LRP1B: variants seen among roughly 807,000 people sequenced by gnomAD.
LRP1B encodes the protein low-density lipoprotein receptor-related protein 1B.
In LRP1B, 217 loss-of-function variants were observed where a neutral mutation model predicts 556.6. That is an observed-to-expected ratio of 0.39 (90% confidence interval 0.35 to 0.44). The LOEUF (loss-of-function observed/expected upper bound fraction) is 0.44, where lower values mean the gene tolerates loss of function less well. Among genes scored for constraint, LRP1B ranks in the 20% least tolerant of loss-of-function variants. The pLI is 1.00. For missense variants in LRP1B, 5,053 were observed against 5,620.8 expected (o/e 0.90, Z 3.23); for synonymous variants, 2,047 against 1,865.8 (o/e 1.10, Z -2.50).
intron 57 of LRP1B, among the ~76,000 whole-genome samples, chr2:140,492,387 T>A (rs1688738797): frequency 6.6e-6 from 1 of 152,210 alleles, no homozygotes; most frequent in South Asian, 2.1e-4. Flanking sequence ...GGCACACTTG[T>A]TCTAGACAGT....
intron 41 of LRP1B, among the ~76,000 whole-genome samples, chr2:140,618,638 T>C (rs1041877663): frequency 1.3e-5 from 2 of 152,152 alleles, no homozygotes; most frequent in Admixed American, 1.3e-4. Context: ...AATCTGTTCA[T>C]ATTCAGGACA....
At chr2:140,994,159 A>G (rs777211617) in intron 15 of LRP1B, 24 bp from the exon 16 acceptor site, 3 of 1,604,162 alleles carry the variant, frequency 1.9e-6, no homozygotes, top group East Asian at 4.5e-5. Flanking sequence ...AACCCAAGGT[A>G]TATGAATAAT....
intron 7 of LRP1B, among the ~76,000 whole-genome samples, chr2:141,100,396 C>T (rs1257751151): frequency 1.3e-5 from 2 of 152,172 alleles, no homozygotes; most frequent in East Asian, 3.9e-4. Context: ...CTGAGGACAT[C>T]CTACAAGGAT....
intron 2 of LRP1B, among the ~76,000 whole-genome samples, chr2:141,748,590 A>G (rs1693994891): frequency 6.6e-6 from 1 of 152,210 alleles, no homozygotes; most frequent in Admixed American, 6.5e-5. Flanking sequence ...CACCCCAGGT[A>G]CTGTGCTTTT....
intron 43 of LRP1B, among the ~76,000 whole-genome samples, chr2:140,582,610 C>T (rs578250499): frequency 2.0e-5 from 3 of 152,212 alleles, no homozygotes; most frequent in Non-Finnish European, 2.9e-5. Context: ...TGCTGCCATG[C>T]GAGGAAACCA....
At chr2:140,635,579 G>A (rs1218653923) in intron 41 of LRP1B, among the ~76,000 whole-genome samples, 1 of 151,936 alleles carries the variant, frequency 6.6e-6, no homozygotes, top group Non-Finnish European at 1.5e-5. Flanking sequence ...TCATTGTAAA[G>A]ACAGTCTCAG....
Position 141,217,162 on chromosome 2 carries a change from G to A in LRP1B, c.850+12021C>T, listed in dbSNP as rs543721588. 7.2e-5 allele frequency among the ~76,000 whole-genome samples: 11 copies of A among 152,232 alleles called. No homozygotes were observed. The South Asian group carries it at 1.7e-3, about 23-fold the overall frequency. On this transcript the variant is annotated intron_variant, in intron 6 of 90. Coordinates refer to ENST00000389484, the MANE Select transcript of LRP1B (RefSeq NM_018557.3). ...TTGGAGGTGGGTCCTAGTGGGAGGC[G>A]TTTGGGTCATGGGGGTAGATCTCTC...
At chr2:141,702,950 G>A (rs1056751698) in intron 2 of LRP1B, among the ~76,000 whole-genome samples, 1 of 151,826 alleles carries the variant, frequency 6.6e-6, no homozygotes, top group Non-Finnish European at 1.5e-5. Flanking sequence ...ACATAAGTGA[G>A]CTCATTAAAA....
At chr2:141,354,935 T>A (rs1223802134) in intron 3 of LRP1B, among the ~76,000 whole-genome samples, 1 of 152,136 alleles carries the variant, frequency 6.6e-6, no homozygotes, top group African/African-American at 2.4e-5. Flanking sequence ...ATTTAGTTTA[T>A]CACTAGTAGC....
At chr2:140,810,325 T>C (rs1432102064) in intron 32 of LRP1B, among the ~76,000 whole-genome samples, 2 of 152,182 alleles carry the variant, frequency 1.3e-5, no homozygotes, top group African/African-American at 4.8e-5. Flanking sequence ...CATTTGTATA[T>C]ACTAATCACT....
intron 11 of LRP1B, among the ~76,000 whole-genome samples, chr2:141,036,412 A>T (rs191835139): frequency 1.2e-4 from 18 of 151,958 alleles, no homozygotes; most frequent in Admixed American, 2.6e-4. Flanking sequence ...CAAACATGAA[A>T]CCCCATCCAA....
intron 25 of LRP1B, among the ~76,000 whole-genome samples, chr2:140,869,488 A>C (rs571491949): frequency 6.6e-6 from 1 of 152,248 alleles, no homozygotes; most frequent in East Asian, 1.9e-4. Context: ...GTACCAGATA[A>C]AACAGATATA....
rs567554104 is a variant in LRP1B, at chr2:140,855,389, A to T, written c.4580-3606T>A. 1.3e-4 allele frequency among the ~76,000 whole-genome samples: 20 copies of T among 150,888 alleles called. No individual in the cohort carries two copies. In the South Asian group the frequency reaches 4.0e-3, roughly 30 times the overall value. ...TTTCTTTAAAAATTTGGGGCCAGGC[A>T]CGCCAATAATCCCAGCACTTTGGGA... On this transcript the variant is annotated intron_variant, in intron 27 of 90. Coordinates refer to ENST00000389484, the MANE Select transcript of LRP1B (RefSeq NM_018557.3).
chr2:141,309,099 G>A (rs1686713526), intron 3 of LRP1B, among the ~76,000 whole-genome samples: 1 of 152,040 alleles, frequency 6.6e-6, no homozygotes, highest in African/African-American at 2.4e-5. Flanking sequence ...TAAAATCTTG[G>A]TTGGAACCAC....
intron 27 of LRP1B, among the ~76,000 whole-genome samples, chr2:140,857,696 A>G (rs948130118): frequency 1.4e-4 from 21 of 152,270 alleles, no homozygotes; most frequent in African/African-American, 4.8e-4. Context: ...TAACATGTCT[A>G]AAAATTTCAT....
intron 2 of LRP1B, among the ~76,000 whole-genome samples, chr2:141,693,840 T>C (rs1252211053): frequency 6.6e-6 from 1 of 152,082 alleles, no homozygotes; most frequent in Non-Finnish European, 1.5e-5. Context: ...CCCAAATACC[T>C]ATCCAAACTC....
intron 3 of LRP1B, among the ~76,000 whole-genome samples, chr2:141,456,774 T>C (rs760255785): frequency 4.6e-5 from 7 of 152,176 alleles, no homozygotes; most frequent in Non-Finnish European, 1.0e-4. Flanking sequence ...GTATTTCAAG[T>C]AGTGGGAACA....
intron 31 of LRP1B, among the ~76,000 whole-genome samples, chr2:140,821,526 G>T (rs1348149869): frequency 6.6e-6 from 1 of 152,030 alleles, no homozygotes; most frequent in Non-Finnish European, 1.5e-5. Context: ...ACATATCCAA[G>T]ACTTTTTTAA....
chr2:140,590,247 T>C (rs1682161465), intron 43 of LRP1B, among the ~76,000 whole-genome samples: 1 of 126,144 alleles, frequency 7.9e-6, no homozygotes. Context: ...TGTATATATA[T>C]ATACATAATA....
Sources: allele counts gnomAD v4.1 joint callset (sites outside exome capture counted in the v4.1 genomes callset), GRCh38; gene constraint gnomAD v4.1.1; transcripts MANE v1.5; gene names NCBI Gene and HGNC (gene_info 2026-07-23, HGNC 2026-07-21).